OR5A1: variants seen among roughly 807,000 people sequenced by gnomAD.
OR5A1 encodes the protein olfactory receptor 5A1.
OR5A1 carries 6 observed loss-of-function variants against 6.7 expected under a neutral mutation model. The observed-to-expected ratio is 0.89, with a 90% CI of 0.49 to 1.76. The LOEUF is 1.76. OR5A1 is among the 40% of genes most tolerant of loss of function. The pLI is 0.01. For missense variants in OR5A1, 378 were observed against 381.7 expected (o/e 0.99, Z 0.08); for synonymous variants, 170 against 155.0 (o/e 1.10, Z -0.72).
At chr11:59,437,015 A>C (rs1288344178) in intron 1 of OR5A1, among the ~76,000 whole-genome samples, 180 bp downstream of exon 1, 1 of 152,134 alleles carries the variant, frequency 6.6e-6, no homozygotes, top group African/African-American at 2.4e-5. Flanking sequence ...GTACTTTTTA[A>C]AAAATAGACC....
In OR5A1 at chr11:59,449,034, T is replaced by G. The variant is rs912080928; in HGVS notation, c.*4918T>G. The G allele has an allele frequency of 2.7e-5, 4 of 150,624 alleles. No homozygotes were observed. The highest frequency in any genetic ancestry group is 1.9e-4 in the East Asian group (1 of 5,152). 9.3% of individuals were successfully genotyped at this position (150,624 alleles called of 1,614,324 possible). A position where few individuals can be genotyped will look rare whatever the true frequency, so the allele number is the denominator to read the frequency against. On this transcript the variant is annotated 3_prime_UTR_variant, in exon 2 of 2. Transcript: ENST00000641045. Reference sequence around the variant, plus strand: ...TTATTAGATGTGCTATCATAATGGGTGTGTGTGTGTGTGTGTGAAAAGGAG... The same window carrying G: ...TTATTAGATGTGCTATCATAATGGGGGTGTGTGTGTGTGTGTGAAAAGGAG...
In OR5A1 at chr11:59,443,303, C is replaced by T. The variant is rs370934096; in HGVS notation, c.135C>T (p.Asn45=). 2 of 1,613,808 alleles carry T rather than the reference C, an allele frequency of 1.2e-6. No homozygotes were observed. The highest frequency in any genetic ancestry group is 1.6e-4 in the Middle Eastern group (1 of 6,062). ...LGIYLTTLAW[N]LALIFLIRGD... The stretch of plus-strand genomic sequence containing the variant: ...TCTATCTTACCACCCTGGCCTGGAA[C>T]CTGGCCCTCATTTTTCTGATCAGAG... Residue 45 remains asparagine, a synonymous_variant, in exon 2 of 2, where the codon AAC becomes AAT. Transcript: ENST00000641045.
chr11:59,437,663 T>G (rs1054658224), intron 1 of OR5A1, among the ~76,000 whole-genome samples: 5 of 152,246 alleles, frequency 3.3e-5, no homozygotes, highest in Non-Finnish European at 5.9e-5. Flanking sequence ...CATTATTCTT[T>G]TCATATTTGA....
At chr11:59,442,625 C>T (rs1858493216) in intron 1 of OR5A1, among the ~76,000 whole-genome samples, 1 of 152,124 alleles carries the variant, frequency 6.6e-6, no homozygotes, top group Non-Finnish European at 1.5e-5. Context: ...TCTGATTAAT[C>T]GTTTCACAAC....
Position 59,436,604 on chromosome 11 carries a change from T to G in OR5A1, c.-265T>G, listed in dbSNP as rs1858418361. On this transcript the variant is annotated 5_prime_UTR_variant, in exon 1 of 2. Coordinates refer to ENST00000641045, the MANE Select transcript of OR5A1 (RefSeq NM_001004728.2). The stretch of plus-strand genomic sequence containing the variant: ...GAAGAGCTTCTTAAAGATTACAACC[T>G]CCATCCTTTCTTTATATATCTTTTT... 6.6e-6 allele frequency: 1 copy of G among 152,120 alleles called. No individual in the cohort carries two copies. The highest frequency in any genetic ancestry group is 6.6e-5 in the Admixed American group (1 of 15,264). The allele number at this position is 152,120 out of a possible 1,614,324, so 9.4% of individuals were successfully genotyped here.
At chr11:59,442,662 T>C (rs1858493644) in intron 1 of OR5A1, among the ~76,000 whole-genome samples, 1 of 152,186 alleles carries the variant, frequency 6.6e-6, no homozygotes, top group Non-Finnish European at 1.5e-5. Context: ...GTTCCGTTGA[T>C]CTTTCCTTCC....
intron 1 of OR5A1, among the ~76,000 whole-genome samples, chr11:59,438,652 G>T (rs1423723270): frequency 6.6e-6 from 1 of 152,124 alleles, no homozygotes; most frequent in Non-Finnish European, 1.5e-5. Context: ...ATGATTAAAA[G>T]GGAATGACAT....
intron 1 of OR5A1, among the ~76,000 whole-genome samples, chr11:59,442,873 C>A (rs1170770937): frequency 6.6e-6 from 1 of 152,084 alleles, no homozygotes; most frequent in Non-Finnish European, 1.5e-5. Context: ...GCTATCTCAC[C>A]CAAAATGGTG....
At chr11:59,437,712 C>A (rs955047526) in intron 1 of OR5A1, among the ~76,000 whole-genome samples, 1 of 152,154 alleles carries the variant, frequency 6.6e-6, no homozygotes, top group Admixed American at 6.6e-5. Flanking sequence ...AGATAACATG[C>A]AGAAATTTAG....
At position 59,447,598 on chromosome 11, in the gene OR5A1, C is replaced by T. The variant is rs1441369751; in HGVS notation, c.*3482C>T. 2 of 152,218 alleles carry T rather than the reference C, an allele frequency of 1.3e-5. No homozygotes were observed. The highest frequency in any genetic ancestry group is 2.9e-5 in the Non-Finnish European group (2 of 68,046). 9.4% of individuals were successfully genotyped at this position (152,218 alleles called of 1,614,324 possible). A position where few individuals can be genotyped will look rare whatever the true frequency, so the allele number is the denominator to read the frequency against. ...TGAGAAGGAGAGATTGTCTGATCCTCACCCCTATTTGGTTGCAGTTACATC... is the reference window on the plus strand; with the variant it reads ...TGAGAAGGAGAGATTGTCTGATCCTTACCCCTATTTGGTTGCAGTTACATC... On this transcript the variant is annotated 3_prime_UTR_variant, in exon 2 of 2. Coordinates refer to ENST00000641045, the MANE Select transcript of OR5A1 (RefSeq NM_001004728.2).
At chr11:59,442,608 C>T (rs1302440602) in intron 1 of OR5A1, among the ~76,000 whole-genome samples, 1 of 152,168 alleles carries the variant, frequency 6.6e-6, no homozygotes, top group Admixed American at 6.5e-5. Context: ...GCATTAAAAA[C>T]ATTCTATCTG....
At position 59,451,174 on chromosome 11, in the gene OR5A1, T is replaced by C. The variant is rs1362340033; in HGVS notation, c.*7058T>C. The C allele has an allele frequency of 6.6e-6, 1 of 152,226 alleles. No individual in the cohort carries two copies. The highest frequency in any genetic ancestry group is 1.5e-5 in the Non-Finnish European group (1 of 68,036). 9.4% of individuals were successfully genotyped at this position (152,226 alleles called of 1,614,324 possible). ...ATGCCAACAGTGGACTTTTCAACAT[T>C]GGTTAATCTTCTAGATGAGAAATGA... On this transcript the variant is annotated 3_prime_UTR_variant, in exon 2 of 2. Coordinates refer to ENST00000641045, the MANE Select transcript of OR5A1 (RefSeq NM_001004728.2).
At chr11:59,442,135 A>G (rs1858488803) in intron 1 of OR5A1, among the ~76,000 whole-genome samples, 1 of 152,206 alleles carries the variant, frequency 6.6e-6, no homozygotes, top group African/African-American at 2.4e-5. Flanking sequence ...GTCTAGATCC[A>G]GAGCCCACAC....
At position 59,443,915 on chromosome 11, in the gene OR5A1, G is replaced by C. The variant is rs139850878; in HGVS notation, c.747G>C (p.Met249Ile). 1.9e-6 allele frequency: 3 copies of C among 1,613,940 alleles called. No individual in the cohort carries two copies. The highest frequency in any genetic ancestry group is 2.5e-6 in the Non-Finnish European group (3 of 1,180,000). Reference protein sequence around the residue: ...KACNTCASHLMVVTLLFGTAL... With the variant: ...KACNTCASHLIVVTLLFGTAL... ...GCAACACGTGTGCCTCGCATCTGAT[G>C]GTGGTGACTCTGCTGTTTGGGACAG... Residue 249 changes from methionine (M) to isoleucine (I), a missense_variant, in exon 2 of 2, where the codon ATG (methionine) becomes ATC (isoleucine). Coordinates refer to ENST00000641045, the MANE Select transcript of OR5A1 (RefSeq NM_001004728.2).
rs543221437 is a variant in OR5A1, at chr11:59,444,245, C to T, written c.*129C>T. The T allele has an allele frequency of 3.3e-6, 2 of 599,634 alleles. No homozygotes were observed. Among genetic ancestry groups the T allele is most frequent in the South Asian group, 4.5e-5 (2 of 44,224 alleles). 37.1% of individuals were successfully genotyped at this position (599,634 alleles called of 1,614,324 possible). Reference sequence around the variant, plus strand: ...TTGTGGAGACTCTTCCCTCCAGATTCCTCTCACCCTTCCTCATGGTCACTT... The same window carrying T: ...TTGTGGAGACTCTTCCCTCCAGATTTCTCTCACCCTTCCTCATGGTCACTT... On this transcript the variant is annotated 3_prime_UTR_variant, in exon 2 of 2. Coordinates refer to ENST00000641045, the MANE Select transcript of OR5A1 (RefSeq NM_001004728.2).
rs574597111 is a variant in OR5A1, at chr11:59,443,806, C to A, written c.638C>A (p.Ser213Ter). The change falls in exon 2 of 2, where the codon TCG (serine) becomes TAG (stop). Residue 213 changes from serine (S) to a stop codon, truncating the protein, a stop_gained. Coordinates refer to ENST00000641045, the MANE Select transcript of OR5A1 (RefSeq NM_001004728.2). LOFTEE classifies it high-confidence loss of function. ...FLVVVTVGGTSFLQLLISYGY... is the reference protein window; with the variant it reads ...FLVVVTVGGT ...GTGGTGGTCACTGTCGGAGGAACAT[C>A]GTTCCTCCAACTCCTTATCTCCTAT... is the stretch of plus-strand genomic sequence containing the variant. 2.5e-6 allele frequency: 4 copies of A among 1,613,684 alleles called. No homozygotes were observed. The African/African-American group carries it at 5.3e-5, about 22-fold the overall frequency.
At position 59,445,316 on chromosome 11, in the gene OR5A1, C is replaced by T. The variant is rs891803924; in HGVS notation, c.*1200C>T. On this transcript the variant is annotated 3_prime_UTR_variant, in exon 2 of 2. Transcript: ENST00000641045. The stretch of plus-strand genomic sequence containing the variant: ...GAGGATAATGGCTTCCAGCTCTATC[C>T]ATGTCCCTGCAAAGAACACTAATTC... The T allele has an allele frequency of 1.3e-5, 2 of 152,162 alleles. No individual in the cohort carries two copies. The highest frequency in any genetic ancestry group is 4.8e-5 in the African/African-American group (2 of 41,424). The allele number at this position is 152,162 out of a possible 1,614,324, so 9.4% of individuals were successfully genotyped here. A position where few individuals can be genotyped will look rare whatever the true frequency, so the allele number is the denominator to read the frequency against.
At position 59,449,430 on chromosome 11, in the gene OR5A1, G is replaced by A. The variant is rs1266201421; in HGVS notation, c.*5314G>A. 6.6e-6 allele frequency: 1 copy of A among 152,108 alleles called. No homozygotes were observed. The highest frequency in any genetic ancestry group is 2.4e-5 in the African/African-American group (1 of 41,414). The allele number at this position is 152,108 out of a possible 1,614,324, so 9.4% of individuals were successfully genotyped here. On this transcript the variant is annotated 3_prime_UTR_variant, in exon 2 of 2. Transcript: ENST00000641045. Reference sequence around the variant, plus strand: ...TGTCATCTTGAACTAGAAGCTTCAGGCTGATTAAGATCTCCTACTTCTAAC... The same window carrying A: ...TGTCATCTTGAACTAGAAGCTTCAGACTGATTAAGATCTCCTACTTCTAAC...
At chr11:59,439,657 T>A (rs954696118) in intron 1 of OR5A1, among the ~76,000 whole-genome samples, 1 of 152,234 alleles carries the variant, frequency 6.6e-6, no homozygotes, top group Admixed American at 6.5e-5. Flanking sequence ...CTTTTCCTTT[T>A]GTTTCAATTT....
Sources: allele counts gnomAD v4.1 joint callset (sites outside exome capture counted in the v4.1 genomes callset), GRCh38; gene constraint gnomAD v4.1.1; transcripts MANE v1.5; gene names NCBI Gene and HGNC (gene_info 2026-07-23, HGNC 2026-07-21).